The following PNOC variants were observed in gnomAD, a reference collection of about 807,000 sequenced individuals.
The protein encoded by PNOC is nociceptin.
In PNOC, 10 loss-of-function variants were observed where a neutral mutation model predicts 15.6. That is an observed-to-expected ratio of 0.64 (90% CI 0.40 to 1.09). The LOEUF (loss-of-function observed/expected upper bound fraction) is 1.09, where lower values mean the gene tolerates loss of function less well. Among genes scored for constraint, PNOC ranks in the 50% least tolerant of loss-of-function variants. The pLI, the probability that PNOC is intolerant of heterozygous loss-of-function variation, is 0.01. For synonymous variants in PNOC, 98 were observed against 88.5 expected, an observed-to-expected ratio of 1.11 and a Z score of -0.60; for missense variants, 220 against 223.9, an observed-to-expected ratio of 0.98 and a Z score of 0.11.
At chr8:28,317,405 G>C (rs1161372877) in intron 1 of PNOC, 89 bp downstream of exon 1, 1 of 152,386 alleles carries the variant, frequency 6.6e-6, no homozygotes, top group Non-Finnish European at 1.5e-5. Context: ...CCAGGGGCTG[G>C]CTCCTCGGCC....
intron 2 of PNOC, among the ~76,000 whole-genome samples, chr8:28,338,272 C>G (rs1258274056): frequency 6.6e-6 from 1 of 152,072 alleles, no homozygotes; most frequent in Non-Finnish European, 1.5e-5. Flanking sequence ...CAGAACCAGC[C>G]AAGAGGGGCT....
chr8:28,339,838 T>C (rs1329992065), intron 3 of PNOC: 1 of 164,988 alleles, frequency 6.1e-6, no homozygotes, highest in Non-Finnish European at 1.3e-5. Context: ...AGCTCACCTT[T>C]CCTCGAGATT....
chr8:28,339,709 A>T (rs1801483261), intron 3 of PNOC: 1 of 373,008 alleles, frequency 2.7e-6, no homozygotes, highest in Non-Finnish European at 4.8e-6. Flanking sequence ...ACTGGTTACC[A>T]TGGGGATAAT....
chr8:28,328,057 CTCTTT>C (rs1433613117), intron 1 of PNOC, among the ~76,000 whole-genome samples: 1 of 129,500 alleles, frequency 7.7e-6, no homozygotes, highest in Non-Finnish European at 1.6e-5. Context: ...ATCTCTCTCT[CTCTTT>C]TTTTTTTTTT....
At chr8:28,341,621 A>T (rs191133255) in intron 3 of PNOC, among the ~76,000 whole-genome samples, 2 of 152,218 alleles carry the variant, frequency 1.3e-5, no homozygotes, top group African/African-American at 4.8e-5. Flanking sequence ...CTATCCAGGC[A>T]ATTGGTTTTT....
intron 3 of PNOC, 56 bp downstream of exon 3, chr8:28,339,547 T>C: frequency 7.4e-7 from 1 of 1,348,166 alleles, no homozygotes; most frequent in South Asian, 1.8e-5. Flanking sequence ...ACCAACTGTC[T>C]TAGCCTTGCT....
In PNOC at chr8:28,342,990, G is replaced by A. The variant is rs932359931; in HGVS notation, c.*96G>A. On this transcript the variant is annotated 3_prime_UTR_variant, in exon 4 of 4. Coordinates refer to ENST00000301908, the MANE Select transcript of PNOC (RefSeq NM_006228.5). ...GCATGTGCTCAGCCCCAGACCTGCC[G>A]CCTGGGAATCAGGATTCCTTCTTCC... 6.1e-6 allele frequency: 6 copies of A among 985,278 alleles called. No homozygotes were observed. Among genetic ancestry groups the A allele is most frequent in the Admixed American group, 6.1e-5 (1 of 16,264 alleles). 61.0% of individuals were successfully genotyped at this position (985,278 alleles called of 1,614,324 possible).
At chr8:28,335,597 G>A (rs951415073) in intron 2 of PNOC, among the ~76,000 whole-genome samples, 20 of 151,984 alleles carry the variant, frequency 1.3e-4, no homozygotes, top group South Asian at 2.1e-4. Context: ...GTACAGTCTC[G>A]GTTCACCACA....
intron 1 of PNOC, among the ~76,000 whole-genome samples, chr8:28,325,678 A>G (rs576982269): frequency 2.9e-5 from 4 of 135,856 alleles, no homozygotes; most frequent in African/African-American, 9.8e-5. Flanking sequence ...AAAAGAAAAA[A>G]AAAAAAAAGA....
chr8:28,319,801 G>C (rs547262835), intron 1 of PNOC, among the ~76,000 whole-genome samples: 65 of 152,270 alleles, frequency 4.3e-4, no homozygotes, highest in South Asian at 2.7e-3. Flanking sequence ...GGAAAGGGAC[G>C]GGCCCTTCTC....
chr8:28,338,008 C>A (rs351787), intron 2 of PNOC, among the ~76,000 whole-genome samples: 50,980 of 151,978 alleles, frequency 0.34, 10,313 homozygotes, highest in Non-Finnish European at 0.46. Flanking sequence ...GAGATGAATA[C>A]GGGCCAGTTG....
chr8:28,338,473 C>A (rs1801452130), intron 2 of PNOC: 3 of 478,398 alleles, frequency 6.3e-6, no homozygotes, highest in Non-Finnish European at 8.2e-6. Flanking sequence ...GGGTCTTGAC[C>A]CCATTTGCTA....
chr8:28,326,139 G>T (rs1359513311), intron 1 of PNOC, among the ~76,000 whole-genome samples: 1 of 151,906 alleles, frequency 6.6e-6, no homozygotes, highest in Non-Finnish European at 1.5e-5. Context: ...AACATTTGAG[G>T]CCAGGAGTTC....
intron 2 of PNOC, 95 bp from the exon 3 acceptor site, chr8:28,338,945 A>C: frequency 8.2e-7 from 1 of 1,224,340 alleles, no homozygotes; most frequent in Non-Finnish European, 1.1e-6. Context: ...CTTCAGAAGC[A>C]CTTGCACTGG....
chr8:28,328,168 A>C (rs988571028), intron 1 of PNOC, among the ~76,000 whole-genome samples: 2 of 149,440 alleles, frequency 1.3e-5, no homozygotes, highest in Non-Finnish European at 3.0e-5. Context: ...CCCAGGTTCA[A>C]GCAATACTCT....
At chr8:28,332,585 C>T (rs1446841260) in intron 2 of PNOC, among the ~76,000 whole-genome samples, 1 of 152,158 alleles carries the variant, frequency 6.6e-6, no homozygotes, top group Non-Finnish European at 1.5e-5. Context: ...AAACTGGATT[C>T]ACTGAGTTGT....
At chr8:28,319,100 A>G (rs977570685) in intron 1 of PNOC, among the ~76,000 whole-genome samples, 9 of 151,400 alleles carry the variant, frequency 5.9e-5, no homozygotes, top group Non-Finnish European at 1.3e-4. Flanking sequence ...GCGCTTTCAC[A>G]CCTATTATCC....
chr8:28,332,112 C>A (rs972046048), intron 2 of PNOC, among the ~76,000 whole-genome samples: 2 of 152,172 alleles, frequency 1.3e-5, no homozygotes, highest in African/African-American at 4.8e-5. Flanking sequence ...AGAAAATGGA[C>A]CTGTAAAAGC....
At chr8:28,328,488 A>C (rs1801262909) in intron 1 of PNOC, among the ~76,000 whole-genome samples, 1 of 151,094 alleles carries the variant, frequency 6.6e-6, no homozygotes, top group African/African-American at 2.4e-5. Flanking sequence ...CAGGGATAAG[A>C]GGCAAGTACC....
Sources: gnomAD v4.1 joint callset for allele counts (sites outside exome capture counted in the v4.1 genomes callset) on GRCh38, gnomAD v4.1.1 for gene constraint, MANE v1.5 for transcripts, NCBI Gene and HGNC (gene_info 2026-07-23, HGNC 2026-07-21) for gene names.